The following IKZF2 variants were observed in gnomAD, a reference collection of about 807,000 sequenced individuals.
The protein encoded by IKZF2 is IKAROS family zinc finger 2, also known as zinc finger protein Helios.
IKZF2 carries 15 observed loss-of-function variants against 49.2 expected under a neutral mutation model. The ratio of observed to expected loss-of-function variants is 0.30; its 90% CI spans 0.20 to 0.47. The LOEUF is 0.47. Ranked by LOEUF, IKZF2 falls within the 20% of genes least tolerant of loss-of-function variation. The pLI is 1.00. For missense variants in IKZF2, 567 were observed against 664.6 expected (o/e 0.85, Z 1.61); for synonymous variants, 227 against 221.4 (o/e 1.03, Z -0.23).
intron 4 of IKZF2, among the ~76,000 whole-genome samples, chr2:213,072,248 G>A (rs1702785395): frequency 6.7e-6 from 1 of 150,002 alleles, no homozygotes; most frequent in South Asian, 2.1e-4. Context: ...GGAAATTTCT[G>A]TCACTAATTG....
chr2:213,139,377 T>C (rs1353618321), intron 4 of IKZF2, among the ~76,000 whole-genome samples: 1 of 152,010 alleles, frequency 6.6e-6, no homozygotes, highest in Non-Finnish European at 1.5e-5. Context: ...TGATGCTGAA[T>C]ATATTAGGTT....
intron 6 of IKZF2, among the ~76,000 whole-genome samples, chr2:213,042,469 T>G (rs914062818): frequency 6.6e-6 from 1 of 152,226 alleles, no homozygotes. Flanking sequence ...GCTGTATGTG[T>G]AGTCACTAAG....
In IKZF2 at chr2:213,103,894, G is replaced by C. The variant is rs985174597; in HGVS notation, c.139+43814C>G. ...AAAATGTTAAAAGGACTTTGAATTT[G>C]CTAAAAAGAGTAGTATATTTTGAAA... On this transcript the variant is annotated intron_variant, in intron 4 of 8. Coordinates refer to ENST00000434687, the MANE Select transcript of IKZF2 (RefSeq NM_001387220.1). Among the ~76,000 whole-genome samples, 15 of 152,220 alleles carry C rather than the reference G, an allele frequency of 9.9e-5. 1 individual carries two copies. The highest frequency in any genetic ancestry group is 3.4e-3 in the Middle Eastern group (1 of 294).
chr2:213,040,410 C>A (rs1053090522), intron 6 of IKZF2, among the ~76,000 whole-genome samples: 2 of 151,882 alleles, frequency 1.3e-5, no homozygotes, highest in African/African-American at 4.8e-5. Context: ...TCATTTTTCT[C>A]TTTATAATTT....
intron 4 of IKZF2, among the ~76,000 whole-genome samples, chr2:213,107,517 G>T (rs986231433): frequency 1.3e-5 from 2 of 152,148 alleles, no homozygotes; most frequent in African/African-American, 4.8e-5. Context: ...AAGCAGATTT[G>T]CTCATCTGTA....
intron 6 of IKZF2, among the ~76,000 whole-genome samples, chr2:213,029,669 G>GA (rs1277444858): frequency 6.6e-6 from 1 of 151,888 alleles, no homozygotes; most frequent in Non-Finnish European, 1.5e-5. Flanking sequence ...CATCTAAGAT[G>GA]AAAAAACAAA....
chr2:213,071,289 T>A (rs982986282), intron 4 of IKZF2, among the ~76,000 whole-genome samples: 15 of 152,036 alleles, frequency 9.9e-5, no homozygotes, highest in Non-Finnish European at 1.2e-4. Context: ...TATTACGGAA[T>A]AAAAATATAC....
intron 4 of IKZF2, among the ~76,000 whole-genome samples, chr2:213,058,696 G>C (rs1436102664): frequency 1.3e-5 from 2 of 151,816 alleles, no homozygotes; most frequent in Admixed American, 1.3e-4. Flanking sequence ...TTGCCAGCAT[G>C]CTCAAGAATG....
chr2:213,025,538 A>G (rs1328179581), intron 6 of IKZF2, among the ~76,000 whole-genome samples: 1 of 152,152 alleles, frequency 6.6e-6, no homozygotes, highest in Non-Finnish European at 1.5e-5. Flanking sequence ...AGTCCAAACG[A>G]TGAGCTTCAT....
At chr2:213,053,980 C>T (rs7587628) in intron 5 of IKZF2, among the ~76,000 whole-genome samples, 80,478 of 151,926 alleles carry the variant, frequency 0.53, 21,969 homozygotes, top group East Asian at 0.76. Flanking sequence ...AGGCTGGGCA[C>T]GGTGGCTCAC....
chr2:213,122,811 T>C (rs2125841688), intron 4 of IKZF2, among the ~76,000 whole-genome samples: 1 of 152,330 alleles, frequency 6.6e-6, no homozygotes, highest in South Asian at 2.1e-4. Context: ...TTCACATGGC[T>C]AGATTTTGCC....
At chr2:213,148,805 C>G (rs902466928) in intron 2 of IKZF2, among the ~76,000 whole-genome samples, 161 bp from the exon 3 acceptor site, 1 of 152,158 alleles carries the variant, frequency 6.6e-6, no homozygotes, top group African/African-American at 2.4e-5. Flanking sequence ...TTGCAAGTCA[C>G]TGAACTCTTT....
chr2:213,086,795 G>C (rs1034637496), intron 4 of IKZF2, among the ~76,000 whole-genome samples: 7 of 152,094 alleles, frequency 4.6e-5, no homozygotes, highest in Non-Finnish European at 1.0e-4. Context: ...TGGGAGTGGA[G>C]GGGGGAGGAA....
chr2:213,014,263 G>A (rs1696320418), intron 7 of IKZF2: 2 of 169,514 alleles, frequency 1.2e-5, no homozygotes, highest in African/African-American at 4.8e-5. Context: ...CTACTTTTAA[G>A]ACTGCACTAT....
At chr2:213,078,574 C>T (rs780672600) in intron 4 of IKZF2, among the ~76,000 whole-genome samples, 1 of 152,212 alleles carries the variant, frequency 6.6e-6, no homozygotes, top group Non-Finnish European at 1.5e-5. Context: ...TGAGCAAAAT[C>T]ACACAGCTAA....
At chr2:213,131,501 G>A (rs984133971) in intron 4 of IKZF2, among the ~76,000 whole-genome samples, 1 of 152,046 alleles carries the variant, frequency 6.6e-6, no homozygotes, top group Non-Finnish European at 1.5e-5. Context: ...CCTCTGACCT[G>A]TTTGTATATA....
intron 6 of IKZF2, among the ~76,000 whole-genome samples, chr2:213,036,258 A>G (rs1005339279): frequency 2.0e-5 from 3 of 152,170 alleles, no homozygotes; most frequent in African/African-American, 7.2e-5. Context: ...TATAATCTGT[A>G]TAAGCTGAGG....
intron 4 of IKZF2, among the ~76,000 whole-genome samples, chr2:213,075,843 G>A (rs1050709232): frequency 8.6e-5 from 13 of 152,016 alleles, no homozygotes; most frequent in Non-Finnish European, 2.9e-5. Flanking sequence ...AAAGAATATG[G>A]AAAGAAGATT....
chr2:213,032,013 G>C (rs1284375356), intron 6 of IKZF2, among the ~76,000 whole-genome samples: 1 of 152,146 alleles, frequency 6.6e-6, no homozygotes, highest in African/African-American at 2.4e-5. Context: ...AAGAGCTAGA[G>C]AAAGTATAAA....
Sources: allele counts gnomAD v4.1 joint callset (sites outside exome capture counted in the v4.1 genomes callset), GRCh38; gene constraint gnomAD v4.1.1; transcripts MANE v1.5; gene names NCBI Gene and HGNC (gene_info 2026-07-23, HGNC 2026-07-21).